The following C6orf141 variants were observed in gnomAD, a reference collection of about 807,000 sequenced individuals.
C6orf141 encodes the protein chromosome 6 open reading frame 141, also known as uncharacterized protein C6orf141.
For synonymous variants in C6orf141, 164 were observed against 140.5 expected (o/e 1.17, Z -1.18); for missense variants, 361 against 335.8 (o/e 1.07, Z -0.59).
Position 49,551,659 on chromosome 6 carries a change from G to C in C6orf141, c.*132G>C. 1 of 1,471,298 alleles carries C rather than the reference G, an allele frequency of 6.8e-7. No individual in the cohort carries two copies. Among genetic ancestry groups the C allele is most frequent in the Admixed American group, 2.8e-5 (1 of 35,790 alleles). The allele number at this position is 1,471,298 out of a possible 1,614,324, so 91.1% of individuals were successfully genotyped here. A position where few individuals can be genotyped will look rare whatever the true frequency, so the allele number is the denominator to read the frequency against. ...TGAGAGGCTGGTGCAGCGCTTCGGGGAGGCAGATTAAGAACTGTAAGCAGC... is the reference window on the plus strand; with the variant it reads ...TGAGAGGCTGGTGCAGCGCTTCGGGCAGGCAGATTAAGAACTGTAAGCAGC... On this transcript the variant is annotated 3_prime_UTR_variant, in exon 1 of 1. Coordinates refer to ENST00000529246, the MANE Select transcript of C6orf141 (RefSeq NM_001145652.2).
intron 4 of C6orf141, among the ~76,000 whole-genome samples, chr6:49,557,480 G>A (rs1772186166): frequency 6.6e-6 from 1 of 152,178 alleles, no homozygotes; most frequent in South Asian, 2.1e-4. Context: ...CTAAATTTCA[G>A]ATAAGCTTCT....
chr6:49,551,005 C>T lies in C6orf141; in HGVS notation c.213C>T (p.Leu71=). Residue 71 remains leucine (L), a synonymous_variant, in exon 1 of 1, where the codon CTC becomes CTT. Coordinates refer to ENST00000529246, the MANE Select transcript of C6orf141 (RefSeq NM_001145652.2). ...GHEDRTADRA[L]GPRAGEELDR... ...AGGACAGAACGGCAGATCGGGCCCT[C>T]GGACCTCGGGCCGGGGAGGAATTGG... is the stretch of plus-strand genomic sequence containing the variant. The T allele has an allele frequency of 6.4e-7, 1 of 1,551,114 alleles. No individual in the cohort carries two copies. The highest frequency in any genetic ancestry group is 8.7e-7 in the Non-Finnish European group (1 of 1,146,872).
chr6:49,558,059 G>GTTTTTTTGTTTTTGTTTTTTTTTGT (rs1772343226), intron 4 of C6orf141, among the ~76,000 whole-genome samples: 3 of 97,768 alleles, frequency 3.1e-5, no homozygotes, highest in African/African-American at 1.2e-4. Flanking sequence ...ACTCAAATAT[G>GTTTTTTTGTTTTTGTTTTTTTTTGT]TTTTTTTTTT....
At position 49,550,906 on chromosome 6, in the gene C6orf141, C is replaced by T; in HGVS notation, c.114C>T (p.Arg38=). 1 of 1,529,524 alleles carries T rather than the reference C, an allele frequency of 6.5e-7. No homozygotes were observed. The highest frequency in any genetic ancestry group is 1.2e-5 in the South Asian group (1 of 81,948). 94.7% of individuals were successfully genotyped at this position (1,529,524 alleles called of 1,614,324 possible). ...DLGPFPREVG[R]GAPLAPGARN... ...GGCCTTTTCCGCGGGAGGTAGGGCG[C>T]GGGGCTCCGCTAGCTCCGGGCGCCC... The change falls in exon 1 of 1, where the codon CGC becomes CGT. Residue 38 remains arginine (R), a synonymous_variant. Transcript: ENST00000529246.
chr6:49,558,325 G>T (rs946681593), intron 4 of C6orf141, among the ~76,000 whole-genome samples: 1 of 151,566 alleles, frequency 6.6e-6, no homozygotes, highest in African/African-American at 2.4e-5. Context: ...CTATTGGCAT[G>T]GGGGGAGCTG....
At chr6:49,561,044 C>CTG (rs1252276693) in intron 4 of C6orf141, 3 of 151,488 alleles carry the variant, frequency 2.0e-5, no homozygotes, top group Non-Finnish European at 4.4e-5. Context: ...CTCTCTCTCT[C>CTG]TCTCTCTCTG....
chr6:49,560,148 T>G lies in C6orf141; in HGVS notation c.*764-1556T>G, dbSNP rs1255203947. Among the ~76,000 whole-genome samples the G allele has an allele frequency of 3.9e-5, 6 of 152,196 alleles. No individual in the cohort carries two copies. In the East Asian group the frequency reaches 9.7e-4, roughly 25 times the overall value. On this transcript the variant is annotated intron_variant and NMD_transcript_variant, in intron 4 of 4. Transcript: ENST00000371194. ...GACTAACATGGTGAAACCCTGTCTC[T>G]ACTAAAGATACACAAAATTAGCCAG... is the stretch of plus-strand genomic sequence containing the variant.
Position 49,551,241 on chromosome 6 carries a change from A to G in C6orf141, c.449A>G (p.Asp150Gly), listed in dbSNP as rs769702589. Residue 150 changes from aspartate (D) to glycine (G), a missense_variant, in exon 1 of 1, where the codon GAC becomes GGC. Coordinates refer to ENST00000529246, the MANE Select transcript of C6orf141 (RefSeq NM_001145652.2). Reference sequence around the variant, plus strand: ...GGCAGGCGTGTAGCCCCGCCGCGGGACGCAGCAGACCCACCCAAATACGTG... The same window carrying G: ...GGCAGGCGTGTAGCCCCGCCGCGGGGCGCAGCAGACCCACCCAAATACGTG... ...ISGRRVAPPR[D>G]AADPPKYVLV... The G allele has an allele frequency of 1.6e-5, 25 of 1,551,444 alleles. No homozygotes were observed. Among genetic ancestry groups the G allele is most frequent in the Non-Finnish European group, 2.1e-5 (24 of 1,146,962 alleles).
chr6:49,551,869 GT>G lies in C6orf141; in HGVS notation c.*345del. 1 of 1,147,116 alleles carries G rather than the reference GT, an allele frequency of 8.7e-7. No homozygotes were observed. The highest frequency in any genetic ancestry group is 1.1e-6 in the Non-Finnish European group (1 of 920,900). 71.1% of individuals were successfully genotyped at this position (1,147,116 alleles called of 1,614,324 possible). A position where few individuals can be genotyped will look rare whatever the true frequency, so the allele number is the denominator to read the frequency against. On this transcript the variant is annotated 3_prime_UTR_variant, in exon 1 of 1. Transcript: ENST00000529246. ...CTTTTCTGTTCCCCGCCCCCCTCTT[GT>G]TTCTCTTTAGGACCTAGAAACAGAA...
At chr6:49,557,472 A>G (rs1772185368) in intron 4 of C6orf141, among the ~76,000 whole-genome samples, 1 of 152,198 alleles carries the variant, frequency 6.6e-6, no homozygotes, top group Admixed American at 6.5e-5. Flanking sequence ...CAGCTTGACT[A>G]AATTTCAGAT....
chr6:49,552,688 C>A (rs1241971766), downstream of C6orf141: 4 of 152,272 alleles, frequency 2.6e-5, no homozygotes, highest in Non-Finnish European at 5.9e-5. Context: ...ATCTGATCTA[C>A]CTCTTGCCTC....
chr6:49,553,680 C>T (rs1374741995), downstream of C6orf141, among the ~76,000 whole-genome samples: 1 of 152,252 alleles, frequency 6.6e-6, no homozygotes, highest in Non-Finnish European at 1.5e-5. Context: ...CTGGCTCTAC[C>T]TCTTTATTAA....
chr6:49,558,080 T>TTTTTTTTTTTTTTC (rs1554168745), intron 4 of C6orf141, among the ~76,000 whole-genome samples: 2 of 138,198 alleles, frequency 1.4e-5, no homozygotes, highest in East Asian at 2.2e-4. Context: ...TTTTTTTTTT[T>TTTTTTTTTTTTTTC]TTTAGTAGAG....
chr6:49,551,239 G>A lies in C6orf141; in HGVS notation c.447G>A (p.Arg149=), dbSNP rs1307499108. 1 of 1,551,604 alleles carries A rather than the reference G, an allele frequency of 6.4e-7. No individual in the cohort carries two copies. Among genetic ancestry groups the A allele is most frequent in the Non-Finnish European group, 8.7e-7 (1 of 1,147,000 alleles). The change falls in exon 1 of 1, where the codon CGG becomes CGA. Residue 149 remains arginine, a synonymous_variant. Transcript: ENST00000529246. ...CTGGCAGGCGTGTAGCCCCGCCGCG[G>A]GACGCAGCAGACCCACCCAAATACG... is the stretch of plus-strand genomic sequence containing the variant. ...RISGRRVAPP[R]DAADPPKYVL... is the part of the protein sequence containing the mutation.
At position 49,550,954 on chromosome 6, in the gene C6orf141, G is replaced by T. The variant is rs1364288398; in HGVS notation, c.162G>T (p.Ala54=). 4.5e-6 allele frequency: 7 copies of T among 1,549,362 alleles called. No homozygotes were observed. In the African/African-American group the frequency reaches 6.9e-5, roughly 15 times the overall value. ...CCCGGAATCCCGCGACGGCAGGGGCGAGCCGAAGCCAGGGCGGCGGCCACG... is the reference window on the plus strand; with the variant it reads ...CCCGGAATCCCGCGACGGCAGGGGCTAGCCGAAGCCAGGGCGGCGGCCACG... ...PGARNPATAG[A]SRSQGGGHED... is the part of the protein sequence containing the mutation. The change falls in exon 1 of 1, where the codon GCG becomes GCT. Residue 54 remains alanine (A), a synonymous_variant. Transcript: ENST00000529246.
intron 4 of C6orf141, chr6:49,560,515 T>G (rs970631480): frequency 2.0e-5 from 3 of 152,160 alleles, no homozygotes; most frequent in Admixed American, 2.0e-4. Context: ...CTAAAAGTCT[T>G]TCTGCTTTCT....
At chr6:49,555,487 C>A (rs1771687187), downstream of C6orf141, among the ~76,000 whole-genome samples, 1 of 149,320 alleles carries the variant, frequency 6.7e-6, no homozygotes, top group Non-Finnish European at 1.5e-5. Context: ...ATAGAGACAG[C>A]ACCTTGCTAT....
chr6:49,559,829 G>T (rs1422991879), intron 4 of C6orf141, among the ~76,000 whole-genome samples: 1 of 152,146 alleles, frequency 6.6e-6, no homozygotes, highest in African/African-American at 2.4e-5. Flanking sequence ...ACTTCGGAAT[G>T]CAGTCAGCTT....
chr6:49,554,441 C>CA (rs1302915094), downstream of C6orf141, among the ~76,000 whole-genome samples: 11 of 152,204 alleles, frequency 7.2e-5, 1 homozygote, highest in East Asian at 2.1e-3. Flanking sequence ...AGTGCAGTGG[C>CA]ACGATCTCTG....
Sources: gnomAD v4.1 joint callset for allele counts (sites outside exome capture counted in the v4.1 genomes callset) on GRCh38, gnomAD v4.1.1 for gene constraint, MANE v1.5 for transcripts, NCBI Gene and HGNC (gene_info 2026-07-23, HGNC 2026-07-21) for gene names.